The following OPCML variants were observed in gnomAD, a reference collection of about 807,000 sequenced individuals.
OPCML encodes opioid binding protein/cell adhesion molecule like.
A neutral mutation model predicts 37.8 loss-of-function variants in OPCML; 13 were observed. The observed-to-expected ratio is 0.34, with a 90% CI of 0.22 to 0.55. OPCML has a LOEUF of 0.55. Ranked by LOEUF, OPCML falls within the 20% of genes least tolerant of loss-of-function variation. The probability of loss-of-function intolerance (pLI) is 0.91; values close to 1 mark genes in which losing one functional copy is unlikely to be tolerated. For missense variants in OPCML, 341 were observed against 435.6 expected (o/e 0.78, Z 1.93); for synonymous variants, 176 against 168.8 (o/e 1.04, Z -0.33).
At chr11:132,978,905 TTAGTAGG>T (rs1946523733) in intron 1 of OPCML, among the ~76,000 whole-genome samples, 1 of 152,218 alleles carries the variant, frequency 6.6e-6, no homozygotes, top group African/African-American at 2.4e-5. Context: ...ACTTGAATTT[TTAGTAGG>T]CATCTAAAAT....
chr11:133,267,768 G>T (rs1229298274), intron 1 of OPCML, among the ~76,000 whole-genome samples: 2 of 152,100 alleles, frequency 1.3e-5, no homozygotes, highest in Non-Finnish European at 2.9e-5. Flanking sequence ...CTGTTCTCGA[G>T]ATAGTGAATA....
At chr11:133,524,339 T>A (rs530039230) in intron 1 of OPCML, among the ~76,000 whole-genome samples, 3 of 152,346 alleles carry the variant, frequency 2.0e-5, no homozygotes, top group Admixed American at 1.3e-4. Context: ...ACCTTTTCCA[T>A]ATGAACATCA....
chr11:133,142,874 A>C (rs1949844982), intron 1 of OPCML, among the ~76,000 whole-genome samples: 1 of 151,988 alleles, frequency 6.6e-6, no homozygotes, highest in Non-Finnish European at 1.5e-5. Context: ...CATACAACAC[A>C]GTCTGGGCAA....
intron 2 of OPCML, among the ~76,000 whole-genome samples, chr11:132,834,058 T>C (rs1035633055): frequency 2.6e-5 from 4 of 152,220 alleles, no homozygotes; most frequent in Admixed American, 1.3e-4. Context: ...TAATGAATTG[T>C]TATTTTACTT....
chr11:132,623,414 TG>T (rs1939547160), intron 3 of OPCML, among the ~76,000 whole-genome samples: 1 of 151,276 alleles, frequency 6.6e-6, no homozygotes. Flanking sequence ...AAAGCTGTTT[TG>T]GGGGAAAAAA....
At chr11:133,004,947 A>G in intron 1 of OPCML, 1 of 985,260 alleles carries the variant, frequency 1.0e-6, no homozygotes, top group South Asian at 4.7e-5. Flanking sequence ...CCTCCACTGC[A>G]CCGAGCTAGT....
At position 133,482,702 on chromosome 11, in the gene OPCML, T is replaced by C. The variant is rs928356619; in HGVS notation, c.61+49562A>G. 2.0e-5 allele frequency among the ~76,000 whole-genome samples: 3 copies of C among 152,288 alleles called. No individual in the cohort carries two copies. The South Asian group carries it at 6.2e-4, about 32-fold the overall frequency. ...AAATAAATGGGATGAAGAAAATTGA[T>C]GTTATGAAAACTAGCTTATTATATG... On this transcript the variant is annotated intron_variant, in intron 1 of 7. Coordinates refer to ENST00000524381, the MANE Select transcript of OPCML (RefSeq NM_001012393.5).
At chr11:132,958,217 A>G (rs562828355) in intron 1 of OPCML, among the ~76,000 whole-genome samples, 141 of 152,378 alleles carry the variant, frequency 9.3e-4, no homozygotes, top group African/African-American at 3.2e-3. Context: ...TGGTCTTGAT[A>G]GAAAGTCAAA....
chr11:133,154,273 G>GC (rs1161271538), intron 1 of OPCML, among the ~76,000 whole-genome samples: 4 of 151,546 alleles, frequency 2.6e-5, no homozygotes, highest in South Asian at 4.2e-4. Flanking sequence ...CCTGACCCTG[G>GC]CCCCCCGCAA....
At chr11:133,261,960 G>A (rs1309192025) in intron 1 of OPCML, among the ~76,000 whole-genome samples, 1 of 152,106 alleles carries the variant, frequency 6.6e-6, no homozygotes, top group African/African-American at 2.4e-5. Flanking sequence ...TCTCATCCGG[G>A]CACCATTGTT....
intron 1 of OPCML, among the ~76,000 whole-genome samples, chr11:133,221,364 T>C (rs1050172138): frequency 2.6e-5 from 4 of 152,242 alleles, no homozygotes; most frequent in Middle Eastern, 3.2e-3. Context: ...CTTTCTCACC[T>C]TCACATAACA....
chr11:132,597,009 C>T (rs901725977), intron 3 of OPCML, among the ~76,000 whole-genome samples: 1 of 152,196 alleles, frequency 6.6e-6, no homozygotes, highest in African/African-American at 2.4e-5. Context: ...TACTCCTTCT[C>T]TCATATAGAA....
At chr11:133,432,363 A>G (rs1009596969) in intron 1 of OPCML, among the ~76,000 whole-genome samples, 7 of 151,954 alleles carry the variant, frequency 4.6e-5, no homozygotes, top group Non-Finnish European at 1.5e-5. Flanking sequence ...TATTTTTTTA[A>G]AAAAAACACA....
rs2095952688 is a variant in OPCML at position 132,420,136 on chromosome 11, G to A, written c.*57C>T. 1 of 1,492,048 alleles carries A rather than the reference G, an allele frequency of 6.7e-7. No homozygotes were observed. The allele number at this position is 1,492,048 out of a possible 1,614,324, so 92.4% of individuals were successfully genotyped here. A position where few individuals can be genotyped will look rare whatever the true frequency, so the allele number is the denominator to read the frequency against. On this transcript the variant is annotated 3_prime_UTR_variant, in exon 8 of 8. Coordinates refer to ENST00000524381, the MANE Select transcript of OPCML (RefSeq NM_001012393.5). Reference sequence around the variant, plus strand: ...AAGCTGGTTTGCTCTCCGCAGTGTAGATTAAAGTCTGTGATATGGAGAAGC... The same window carrying A: ...AAGCTGGTTTGCTCTCCGCAGTGTAAATTAAAGTCTGTGATATGGAGAAGC...
chr11:133,258,581 G>C (rs557199805), intron 1 of OPCML, among the ~76,000 whole-genome samples: 1 of 152,130 alleles, frequency 6.6e-6, no homozygotes, highest in Non-Finnish European at 1.5e-5. Context: ...TGGAAATGTG[G>C]GTTCCTTTCT....
chr11:133,105,678 T>C (rs1352966667), intron 1 of OPCML, among the ~76,000 whole-genome samples: 1 of 152,206 alleles, frequency 6.6e-6, no homozygotes, highest in Non-Finnish European at 1.5e-5. Flanking sequence ...ACTGAAATTA[T>C]TGGGTTGCAA....
At chr11:132,745,563 C>G (rs1286873456) in intron 2 of OPCML, among the ~76,000 whole-genome samples, 1 of 102,982 alleles carries the variant, frequency 9.7e-6, no homozygotes, top group African/African-American at 3.6e-5. Context: ...TGCTGTCTTG[C>G]AAAAAAAAAA....
At chr11:132,460,925 C>T (rs531712263) in intron 4 of OPCML, among the ~76,000 whole-genome samples, 1 of 152,268 alleles carries the variant, frequency 6.6e-6, no homozygotes, top group African/African-American at 2.4e-5. Context: ...TGTGGACTAG[C>T]TCATTTCATA....
intron 4 of OPCML, among the ~76,000 whole-genome samples, chr11:132,479,065 C>T (rs1046944937): frequency 6.6e-6 from 1 of 152,088 alleles, no homozygotes; most frequent in Non-Finnish European, 1.5e-5. Context: ...CCCTGGTCTA[C>T]AGCTCCCAGC....
Sources: gnomAD v4.1 joint callset for allele counts (sites outside exome capture counted in the v4.1 genomes callset) on GRCh38, gnomAD v4.1.1 for gene constraint, MANE v1.5 for transcripts, NCBI Gene and HGNC (gene_info 2026-07-23, HGNC 2026-07-21) for gene names.